AADACL3: variants seen among roughly 807,000 people sequenced by gnomAD.
AADACL3 encodes arylacetamide deacetylase-like 3.
A neutral mutation model predicts 13.6 loss-of-function variants in AADACL3; 13 were observed. The ratio of observed to expected loss-of-function variants is 0.95; its 90% CI spans 0.62 to 1.52. The LOEUF (loss-of-function observed/expected upper bound fraction) is 1.52. Ranked by LOEUF, AADACL3 falls within the 40% of genes most tolerant of loss-of-function variation. AADACL3 has a pLI of 0.00. For synonymous variants in AADACL3, 195 were observed against 197.0 expected (o/e 0.99, Z 0.08); for missense variants, 519 against 499.2 (o/e 1.04, Z -0.38).
At chr1:12,720,564 C>T (rs571198963) in intron 2 of AADACL3, among the ~76,000 whole-genome samples, 24 of 152,226 alleles carry the variant, frequency 1.6e-4, no homozygotes, top group Middle Eastern at 3.4e-3. Flanking sequence ...TTAGCTCAAG[C>T]TAGAAAGGGG....
intron 1 of AADACL3, among the ~76,000 whole-genome samples, chr1:12,717,228 A>G (rs1436233792): frequency 1.3e-5 from 2 of 152,180 alleles, no homozygotes; most frequent in African/African-American, 4.8e-5. Flanking sequence ...TATTACCTAA[A>G]AGAGAAGATC....
Position 12,717,628 on chromosome 1 carries a change from T to C in AADACL3, c.168+1284T>C, listed in dbSNP as rs1465653521. Among the ~76,000 whole-genome samples the C allele has an allele frequency of 2.6e-5, 4 of 152,292 alleles. No homozygotes were observed. In the East Asian group the frequency reaches 7.7e-4, roughly 29 times the overall value. On this transcript the variant is annotated intron_variant, in intron 1 of 3. Coordinates refer to ENST00000359318, the MANE Select transcript of AADACL3 (RefSeq NM_001103170.3). Reference sequence around the variant, plus strand: ...TTCCACAGGTCTGCCTTTAGGGAGCTTGTAGGGTCCAGGCAGTGGGCAGCG... The same window carrying C: ...TTCCACAGGTCTGCCTTTAGGGAGCCTGTAGGGTCCAGGCAGTGGGCAGCG...
intron 3 of AADACL3, among the ~76,000 whole-genome samples, chr1:12,722,386 C>A (rs531726600): frequency 6.6e-6 from 1 of 150,656 alleles, no homozygotes. Flanking sequence ...GAGAGAGAGA[C>A]CTGGATAAAC....
At position 12,725,659 on chromosome 1, in the gene AADACL3, A is replaced by G; in HGVS notation, c.887A>G (p.Glu296Gly). Residue 296 changes from glutamate (E) to glycine (G), a missense_variant, in exon 4 of 4, where the codon GAG (glutamate) becomes GGG (glycine). Glu to Gly is a moderately conservative substitution (Grantham distance 98, BLOSUM62 -2). Coordinates refer to ENST00000359318, the MANE Select transcript of AADACL3 (RefSeq NM_001103170.3). Reference protein sequence around the residue: ...GPENIPERFKERGYQLKPHEP... With the variant: ...GPENIPERFKGRGYQLKPHEP... The stretch of plus-strand genomic sequence containing the variant: ...GAAAACATCCCTGAGAGGTTTAAGG[A>G]GAGGGGTTACCAACTGAAGCCCCAT... The G allele has an allele frequency of 1.2e-6, 2 of 1,614,118 alleles. No individual in the cohort carries two copies. The highest frequency in any genetic ancestry group is 1.7e-6 in the Non-Finnish European group (2 of 1,180,008).
In AADACL3 at chr1:12,725,467, C is replaced by T; in HGVS notation, c.695C>T (p.Thr232Ile). 1.2e-6 allele frequency: 2 copies of T among 1,613,948 alleles called. No individual in the cohort carries two copies. Among genetic ancestry groups the T allele is most frequent in the South Asian group, 2.2e-5 (2 of 91,020 alleles). Residue 232 changes from threonine (T) to isoleucine (I), a missense_variant, in exon 4 of 4, where the codon ACC becomes ATC. Physicochemically the swap from Thr to Ile is moderately conservative, Grantham distance 89 (BLOSUM62 -1). Coordinates refer to ENST00000359318, the MANE Select transcript of AADACL3 (RefSeq NM_001103170.3). The stretch of plus-strand genomic sequence containing the variant: ...ATTCTCCAAGCCCTGGATTTACAAA[C>T]CCCTTCGTTTCAACAGAGGAAAAAC... ...YAILQALDLQ[T>I]PSFQQRKNIP... is the part of the protein sequence containing the mutation.
rs1648523657 is a variant in AADACL3 at position 12,719,626 on chromosome 1, C to T, written c.320C>T (p.Ser107Phe). The T allele has an allele frequency of 6.2e-7, 1 of 1,614,172 alleles. No homozygotes were observed. The highest frequency in any genetic ancestry group is 8.5e-7 in the Non-Finnish European group (1 of 1,180,022). Residue 107 changes from serine (S) to phenylalanine (F), a missense_variant, in exon 2 of 4, where the codon TCC becomes TTC. Coordinates refer to ENST00000359318, the MANE Select transcript of AADACL3 (RefSeq NM_001103170.3). ...GTGAAGCTGTACCAACCCAAGGCAT[C>T]CACCTGCACCCTGAAGCCTGGCATC... ...IPVKLYQPKA[S>F]TCTLKPGIVY...
chr1:12,724,109 T>G (rs1409989828), intron 3 of AADACL3, among the ~76,000 whole-genome samples: 1 of 152,154 alleles, frequency 6.6e-6, no homozygotes, highest in African/African-American at 2.4e-5. Flanking sequence ...TATTTTGCAA[T>G]AATTTATATT....
chr1:12,718,192 T>G (rs1201597569), intron 1 of AADACL3, among the ~76,000 whole-genome samples: 1 of 152,056 alleles, frequency 6.6e-6, no homozygotes, highest in Non-Finnish European at 1.5e-5. Flanking sequence ...ATAACACTGC[T>G]TTTCTTTATA....
intron 3 of AADACL3, among the ~76,000 whole-genome samples, chr1:12,723,770 T>G (rs578205073): frequency 8.5e-4 from 115 of 134,768 alleles, no homozygotes; most frequent in African/African-American, 3.1e-3. Flanking sequence ...TGAGCCACTG[T>G]GCTTGGCTGA....
chr1:12,720,947 G>T lies in AADACL3; in HGVS notation c.449+1G>T, dbSNP rs1462244743. 6.2e-7 allele frequency: 1 copy of T among 1,607,508 alleles called. No individual in the cohort carries two copies. Among genetic ancestry groups the T allele is most frequent in the African/African-American group, 1.3e-5 (1 of 74,404 alleles). ...GTGACTCCGTGGTTCTGGCAGTTGG[G>T]TGAGTAAAGGGGAGATCCCAGGGAG... is the stretch of plus-strand genomic sequence containing the variant. On this transcript the variant is annotated splice_donor_variant, in intron 3 of 3. Coordinates refer to ENST00000359318, the MANE Select transcript of AADACL3 (RefSeq NM_001103170.3). LOFTEE classifies it high-confidence loss of function.
Position 12,726,341 on chromosome 1 carries a change from A to G in AADACL3, c.*345A>G, listed in dbSNP as rs563706533. ...AGTTCAGGCTCCCAGATTGATCCAGACTGTGTGTGACTTTCGTCCATTTGA... is the reference window on the plus strand; with the variant it reads ...AGTTCAGGCTCCCAGATTGATCCAGGCTGTGTGTGACTTTCGTCCATTTGA... On this transcript the variant is annotated 3_prime_UTR_variant, in exon 4 of 4. Transcript: ENST00000359318. 2.4e-4 allele frequency: 60 copies of G among 251,936 alleles called. No individual in the cohort carries two copies. Among genetic ancestry groups the G allele is most frequent in the African/African-American group, 1.3e-3 (57 of 44,890 alleles). The allele number at this position is 251,936 out of a possible 1,614,324, so 15.6% of individuals were successfully genotyped here. A position where few individuals can be genotyped will look rare whatever the true frequency, so the allele number is the denominator to read the frequency against.
rs1222937445 is a variant in AADACL3, at chr1:12,720,923, T to C, written c.426T>C (p.Ser142=). 1 of 1,607,906 alleles carries C rather than the reference T, an allele frequency of 6.2e-7. No individual in the cohort carries two copies. The highest frequency in any genetic ancestry group is 2.2e-5 in the East Asian group (1 of 44,540). ...TATGCTCTCGTTTGTGCAAGGAGAG[T>C]GACTCCGTGGTTCTGGCAGTTGGGT... ...HGICSRLCKE[S]DSVVLAVGYR... The change falls in exon 3 of 4, where the codon AGT becomes AGC. Residue 142 remains serine, a synonymous_variant. Coordinates refer to ENST00000359318, the MANE Select transcript of AADACL3 (RefSeq NM_001103170.3).
intron 3 of AADACL3, among the ~76,000 whole-genome samples, chr1:12,724,019 G>T (rs541572128): frequency 1.3e-5 from 2 of 152,142 alleles, no homozygotes; most frequent in Non-Finnish European, 2.9e-5. Context: ...CCTGACCTCA[G>T]GTGATCCACC....
intron 3 of AADACL3, among the ~76,000 whole-genome samples, chr1:12,723,767 C>T (rs1362826301): frequency 1.3e-5 from 2 of 151,152 alleles, no homozygotes; most frequent in Non-Finnish European, 1.5e-5. Flanking sequence ...GCTTGAGCCA[C>T]TGTGCTTGGC....
chr1:12,725,882 C>T lies in AADACL3; in HGVS notation c.1110C>T (p.His370=), dbSNP rs1461463247. 6.2e-7 allele frequency: 1 copy of T among 1,614,182 alleles called. No individual in the cohort carries two copies. The highest frequency in any genetic ancestry group is 2.2e-5 in the East Asian group (1 of 44,884). Residue 370 remains histidine (H), a synonymous_variant, in exon 4 of 4, where the codon CAC becomes CAT. Transcript: ENST00000359318. ...LEDLGVPVTW[H]HMEDGFHGVL... ...ACCTGGGAGTGCCCGTGACCTGGCA[C>T]CATATGGAGGATGGTTTCCATGGAG...
intron 1 of AADACL3, among the ~76,000 whole-genome samples, chr1:12,717,157 A>T (rs1423379227): frequency 6.6e-6 from 1 of 152,108 alleles, no homozygotes; most frequent in African/African-American, 2.4e-5. Flanking sequence ...CTCAAGAGAC[A>T]CCCTAGGTGT....
chr1:12,721,985 G>A (rs1442772003), intron 3 of AADACL3, among the ~76,000 whole-genome samples: 1 of 152,162 alleles, frequency 6.6e-6, no homozygotes, highest in African/African-American at 2.4e-5. Context: ...GCATCTCAGT[G>A]GGGGTACATC....
chr1:12,719,408 A>G (rs1648515592), intron 1 of AADACL3, 67 bp from the exon 2 acceptor site: 1 of 1,485,618 alleles, frequency 6.7e-7, no homozygotes, highest in South Asian at 1.1e-5. Context: ...GCAGGTTGTG[A>G]AGGCCAGACT....
At chr1:12,721,359 A>G (rs1390571056) in intron 3 of AADACL3, among the ~76,000 whole-genome samples, 1 of 152,122 alleles carries the variant, frequency 6.6e-6, no homozygotes, top group African/African-American at 2.4e-5. Context: ...TTGCGCCACT[A>G]CACTCAGCCT....
Sources: gnomAD v4.1 joint callset for allele counts (sites outside exome capture counted in the v4.1 genomes callset) on GRCh38, gnomAD v4.1.1 for gene constraint, MANE v1.5 for transcripts, NCBI Gene and HGNC (gene_info 2026-07-23, HGNC 2026-07-21) for gene names.